The following ADAM12 variants were observed in gnomAD, a reference collection of about 807,000 sequenced individuals.
The protein encoded by ADAM12 is ADAM metallopeptidase domain 12.
A neutral mutation model predicts 106.4 loss-of-function variants in ADAM12; 70 were observed. That is an observed-to-expected ratio of 0.66 (90% CI 0.54 to 0.80). The LOEUF (loss-of-function observed/expected upper bound fraction) is 0.80, where lower values mean the gene tolerates loss of function less well. ADAM12 is among the 30% of genes least tolerant of loss of function. ADAM12 has a pLI of 0.00. For synonymous variants in ADAM12, 420 were observed against 433.5 expected (o/e 0.97, Z 0.39); for missense variants, 1,010 against 1,171.9 (o/e 0.86, Z 2.02).
At position 126,098,379 on chromosome 10, in the gene ADAM12, T is replaced by G. The variant is rs548404855; in HGVS notation, c.996+37A>C. 4.9e-5 allele frequency: 76 copies of G among 1,552,480 alleles called. 1 individual carries two copies. The South Asian group carries it at 8.1e-4, about 16-fold the overall frequency. ...AAGTAGTGACTTCCTGGGGAATCATTATCAAGGGGAACCAGCTCCCAATGC... is the reference window on the plus strand; with the variant it reads ...AAGTAGTGACTTCCTGGGGAATCATGATCAAGGGGAACCAGCTCCCAATGC... On this transcript the variant is annotated intron_variant, in intron 10 of 22. Coordinates refer to ENST00000448723, the MANE Select transcript of ADAM12 (RefSeq NM_001288973.2).
intron 5 of ADAM12, among the ~76,000 whole-genome samples, chr10:126,120,480 A>G (rs1189297666): frequency 6.6e-6 from 1 of 152,196 alleles, no homozygotes; most frequent in Non-Finnish European, 1.5e-5. Context: ...CCTGCAGAAC[A>G]GACAACGGTT....
At position 126,049,327 on chromosome 10, in the gene ADAM12, TC is replaced by T; in HGVS notation, c.1842del (p.Thr615ProfsTer28). 6.2e-7 allele frequency: 1 copy of T among 1,614,118 alleles called. No homozygotes were observed. The highest frequency in any genetic ancestry group is 8.5e-7 in the Non-Finnish European group (1 of 1,180,034). ...LQQGGRILCR[G>X]THVYLGDDMP... The stretch of plus-strand genomic sequence containing the variant: ...ATGTCATCGCCCAAGTACACGTGGG[TC>T]CCCCGGCACAGAATCCGGCCTCCTT... On this transcript the variant is annotated frameshift_variant, in exon 16 of 23. Coordinates refer to ENST00000448723, the MANE Select transcript of ADAM12 (RefSeq NM_001288973.2). LOFTEE classifies it high-confidence loss of function. The surrounding 1 kb of genome is among the most constrained non-coding windows in gnomAD (Gnocchi z 4.4).
intron 3 of ADAM12, among the ~76,000 whole-genome samples, chr10:126,274,054 C>A (rs1313834994): frequency 1.3e-5 from 2 of 152,162 alleles, no homozygotes; most frequent in Non-Finnish European, 1.5e-5. Flanking sequence ...CCCAAGTGAC[C>A]TTCGACCTCC....
At chr10:126,284,961 G>A (rs1217217332) in intron 2 of ADAM12, among the ~76,000 whole-genome samples, 1 of 152,236 alleles carries the variant, frequency 6.6e-6, no homozygotes, top group African/African-American at 2.4e-5. Flanking sequence ...TCAATGGCAG[G>A]TTGGAAAAGG....
chr10:126,051,296 C>A (rs1954475506), intron 14 of ADAM12, among the ~76,000 whole-genome samples: 1 of 152,138 alleles, frequency 6.6e-6, no homozygotes, highest in Admixed American at 6.5e-5. Flanking sequence ...TTGCACACAC[C>A]CTATGTATTT....
chr10:126,217,990 AG>A (rs1344601446), intron 3 of ADAM12, among the ~76,000 whole-genome samples: 1 of 151,822 alleles, frequency 6.6e-6, no homozygotes, highest in Non-Finnish European at 1.5e-5. Flanking sequence ...AAAAAAAAAA[AG>A]ATTACACTAT....
intron 2 of ADAM12, among the ~76,000 whole-genome samples, chr10:126,289,935 C>T (rs1429386108): frequency 6.6e-6 from 1 of 152,128 alleles, no homozygotes; most frequent in East Asian, 1.9e-4. Flanking sequence ...GGAATGTGTG[C>T]ATATGTTACC....
At chr10:126,080,032 G>A (rs1955182463) in intron 11 of ADAM12, among the ~76,000 whole-genome samples, 2 of 152,202 alleles carry the variant, frequency 1.3e-5, no homozygotes, top group African/African-American at 4.8e-5. Context: ...GTACCTGGAA[G>A]TGTTATGTGA....
chr10:126,160,679 G>A (rs1956916559), intron 3 of ADAM12, among the ~76,000 whole-genome samples: 1 of 152,170 alleles, frequency 6.6e-6, no homozygotes, highest in Non-Finnish European at 1.5e-5. Context: ...TGGAGATCAT[G>A]CTGCTGTCCC....
chr10:126,312,922 G>A (rs1961177877), intron 2 of ADAM12, among the ~76,000 whole-genome samples: 1 of 152,202 alleles, frequency 6.6e-6, no homozygotes, highest in South Asian at 2.1e-4. Context: ...TTCAGATTTT[G>A]CAGTTTCTTC....
At chr10:126,383,601 T>A (rs768252150) in intron 1 of ADAM12, among the ~76,000 whole-genome samples, 11 of 151,968 alleles carry the variant, frequency 7.2e-5, no homozygotes, top group Non-Finnish European at 1.0e-4. Flanking sequence ...AGATAATCAC[T>A]TCCAAAAAGA....
intron 2 of ADAM12, among the ~76,000 whole-genome samples, chr10:126,293,480 A>G (rs1960241521): frequency 2.0e-5 from 3 of 152,174 alleles, no homozygotes; most frequent in Non-Finnish European, 4.4e-5. Context: ...ATGATGTGGG[A>G]TACACATGAA....
At chr10:126,277,240 T>A (rs1210265934) in intron 3 of ADAM12, among the ~76,000 whole-genome samples, 3 of 152,218 alleles carry the variant, frequency 2.0e-5, no homozygotes, top group South Asian at 2.1e-4. Flanking sequence ...TTTTCTTCAC[T>A]GGGTATGTAT....
rs187220627 is a variant in ADAM12 at position 126,182,761 on chromosome 10, C to T, written c.261-27456G>A. Among the ~76,000 whole-genome samples, 452 of 152,304 alleles carry T rather than the reference C, an allele frequency of 3.0e-3. 2 individuals are homozygous for T. The highest frequency in any genetic ancestry group is 0.01 in the African/African-American group (426 of 41,572). ...GTAGCAGAAGGTTTTGCGTCCCTAG[C>T]GTCTCTTCTACTTGGATGACCCCCA... is the stretch of plus-strand genomic sequence containing the variant. On this transcript the variant is annotated intron_variant, in intron 3 of 22. Coordinates refer to ENST00000448723, the MANE Select transcript of ADAM12 (RefSeq NM_001288973.2).
At chr10:126,215,161 T>C (rs12255861) in intron 3 of ADAM12, among the ~76,000 whole-genome samples, 40,428 of 152,130 alleles carry the variant, frequency 0.27, 5,953 homozygotes, top group African/African-American at 0.4. Context: ...CAGCTGTGGT[T>C]CTGGTCTACC....
In ADAM12 at chr10:126,269,842, C is replaced by T. The variant is rs144669397; in HGVS notation, c.260+9073G>A. On this transcript the variant is annotated intron_variant, in intron 3 of 22. Transcript: ENST00000448723. ...AAAGAGTTCACTCAAGGACGCCACA[C>T]TCTCAAATCACAACCCAGAGGGGCC... Among the ~76,000 whole-genome samples, 839 of 152,350 alleles carry T rather than the reference C, an allele frequency of 5.5e-3. 8 individuals carry two copies. Among genetic ancestry groups the T allele is most frequent in the African/African-American group, 0.019 (798 of 41,566 alleles).
intron 3 of ADAM12, among the ~76,000 whole-genome samples, chr10:126,274,532 A>G (rs1449736604): frequency 6.6e-6 from 1 of 152,208 alleles, no homozygotes; most frequent in Non-Finnish European, 1.5e-5. Flanking sequence ...TCACCTTGTT[A>G]GTTTTGGCCC....
At chr10:126,366,861 C>T (rs964287868) in intron 1 of ADAM12, among the ~76,000 whole-genome samples, 2 of 152,032 alleles carry the variant, frequency 1.3e-5, no homozygotes, top group Non-Finnish European at 2.9e-5. Flanking sequence ...ATAAACAGGT[C>T]AATTCGTCAA....
chr10:126,026,984 G>GT (rs1183109863), intron 21 of ADAM12, among the ~76,000 whole-genome samples: 1 of 151,534 alleles, frequency 6.6e-6, no homozygotes, highest in Non-Finnish European at 1.5e-5. Context: ...CCAGGAGCTA[G>GT]TTTTTTTGAA....
Sources: allele counts gnomAD v4.1 joint callset (sites outside exome capture counted in the v4.1 genomes callset), GRCh38; gene constraint gnomAD v4.1.1; non-coding constraint Gnocchi (gnomAD v3.1); transcripts MANE v1.5; gene names NCBI Gene and HGNC (gene_info 2026-07-23, HGNC 2026-07-21).